The following CACNB4 variants were observed in gnomAD, a reference collection of about 807,000 sequenced individuals.
CACNB4 encodes voltage-dependent L-type calcium channel subunit beta-4.
In CACNB4, 32 loss-of-function variants were observed where a neutral mutation model predicts 71.2. The observed-to-expected ratio is 0.45, with a 90% confidence interval of 0.34 to 0.60. The LOEUF (loss-of-function observed/expected upper bound fraction) is 0.60. Ranked by LOEUF, CACNB4 falls within the 20% of genes least tolerant of loss-of-function variation. The pLI is 0.01. For synonymous variants in CACNB4, 231 were observed against 236.9 expected, an observed-to-expected ratio of 0.97 and a Z score of 0.23; for missense variants, 464 against 647.9, an observed-to-expected ratio of 0.72 and a Z score of 3.08.
intron 2 of CACNB4, among the ~76,000 whole-genome samples, chr2:152,037,424 A>G (rs1015538277): frequency 6.6e-6 from 1 of 152,230 alleles, no homozygotes; most frequent in African/African-American, 2.4e-5. Flanking sequence ...CTAAAGAAAT[A>G]TGTCTGTGGA....
chr2:151,898,222 T>C (rs1379979280), intron 2 of CACNB4, among the ~76,000 whole-genome samples: 2 of 152,212 alleles, frequency 1.3e-5, no homozygotes, highest in Non-Finnish European at 2.9e-5. Flanking sequence ...TGCTGTCCTT[T>C]GCATATGAGG....
intron 2 of CACNB4, among the ~76,000 whole-genome samples, chr2:152,001,130 A>C (rs776886518): frequency 6.6e-6 from 1 of 152,198 alleles, no homozygotes; most frequent in Admixed American, 6.5e-5. Flanking sequence ...ACCAAAGGTC[A>C]CGGTCAGTAA....
At chr2:152,065,756 G>A (rs567170113) in intron 2 of CACNB4, among the ~76,000 whole-genome samples, 2 of 152,144 alleles carry the variant, frequency 1.3e-5, no homozygotes, top group South Asian at 4.1e-4. Context: ...ATGTAAGGGG[G>A]TAATTTTTTT....
At chr2:152,073,228 C>T (rs1247015381) in intron 2 of CACNB4, among the ~76,000 whole-genome samples, 3 of 152,162 alleles carry the variant, frequency 2.0e-5, no homozygotes, top group Admixed American at 2.0e-4. Context: ...AGTCAGCTAT[C>T]AGCAAACTGA....
chr2:151,987,324 T>A (rs1252420296), intron 2 of CACNB4, among the ~76,000 whole-genome samples: 1 of 152,036 alleles, frequency 6.6e-6, no homozygotes, highest in African/African-American at 2.4e-5. Flanking sequence ...CGTAGCTCAG[T>A]GGGGGGCAGC....
At chr2:152,018,732 A>G (rs1267958298) in intron 2 of CACNB4, among the ~76,000 whole-genome samples, 1 of 151,836 alleles carries the variant, frequency 6.6e-6, no homozygotes, top group African/African-American at 2.4e-5. Context: ...TGAGCCCGGG[A>G]GAGCCAGGCT....
At chr2:152,007,386 C>T (rs1682789150) in intron 2 of CACNB4, among the ~76,000 whole-genome samples, 1 of 152,204 alleles carries the variant, frequency 6.6e-6, no homozygotes, top group Non-Finnish European at 1.5e-5. Flanking sequence ...TCTGTCCTCC[C>T]CCAAACCCTG....
At chr2:151,841,625 T>A (rs2099836257) in intron 13 of CACNB4, 2 of 355,626 alleles carry the variant, frequency 5.6e-6, no homozygotes, top group Non-Finnish European at 1.0e-5. Flanking sequence ...GAGTAGGCAT[T>A]ACGTTTGCCA....
rs189012932 is a variant in CACNB4 at position 152,002,656 on chromosome 2, T to G, written c.147+95674A>C. ...TCTATCAAATATATTTAACAATGTG[T>G]ACCTTATACCACACAGAGTTGCTGT... is the stretch of plus-strand genomic sequence containing the variant. On this transcript the variant is annotated intron_variant, in intron 2 of 13. Coordinates refer to ENST00000539935, the MANE Select transcript of CACNB4 (RefSeq NM_000726.5). 1.9e-3 allele frequency among the ~76,000 whole-genome samples: 288 copies of G among 152,370 alleles called. 1 individual carries two copies. Among genetic ancestry groups the G allele is most frequent in the Middle Eastern group, 3.4e-3 (1 of 292 alleles).
chr2:151,959,788 A>G (rs896280156), intron 2 of CACNB4, among the ~76,000 whole-genome samples: 3 of 152,190 alleles, frequency 2.0e-5, no homozygotes, highest in Non-Finnish European at 4.4e-5. Context: ...AAGCAGAACA[A>G]TATCATATTT....
At chr2:152,053,169 C>T (rs188844413) in intron 2 of CACNB4, among the ~76,000 whole-genome samples, 75 of 152,222 alleles carry the variant, frequency 4.9e-4, no homozygotes, top group Non-Finnish European at 1.0e-3. Context: ...TAGGTAGCTT[C>T]AAGAAGGGGG....
intron 12 of CACNB4, among the ~76,000 whole-genome samples, chr2:151,849,414 A>G (rs2099838456): frequency 6.6e-6 from 1 of 152,030 alleles, no homozygotes; most frequent in Admixed American, 6.6e-5. Flanking sequence ...GCTAATTTTT[A>G]AAAATTTCCT....
intron 2 of CACNB4, among the ~76,000 whole-genome samples, chr2:151,904,925 C>T (rs987715266): frequency 6.6e-6 from 1 of 152,208 alleles, no homozygotes; most frequent in African/African-American, 2.4e-5. Flanking sequence ...AGAGGAACTA[C>T]ACTTGAAAAC....
intron 2 of CACNB4, among the ~76,000 whole-genome samples, chr2:151,954,252 A>C (rs2151673390): frequency 6.6e-6 from 1 of 152,376 alleles, no homozygotes; most frequent in East Asian, 1.9e-4. Flanking sequence ...AGACCGTCCT[A>C]TTCCTTAGTT....
chr2:151,974,958 G>T (rs562095750), intron 2 of CACNB4, among the ~76,000 whole-genome samples: 1 of 152,194 alleles, frequency 6.6e-6, no homozygotes, highest in Non-Finnish European at 1.5e-5. Flanking sequence ...GACTGACTGG[G>T]TAAGTAATGA....
At chr2:151,913,969 A>C (rs562863423) in intron 2 of CACNB4, among the ~76,000 whole-genome samples, 5 of 152,028 alleles carry the variant, frequency 3.3e-5, no homozygotes, top group Non-Finnish European at 2.9e-5. Context: ...TGATCTTCTC[A>C]TGGAGTATCT....
intron 2 of CACNB4, among the ~76,000 whole-genome samples, chr2:152,017,157 G>A (rs1183173177): frequency 6.7e-6 from 1 of 149,622 alleles, no homozygotes; most frequent in Non-Finnish European, 1.5e-5. Flanking sequence ...AAGCTCTAGG[G>A]CATACATATA....
At chr2:152,054,091 G>A (rs796559130) in intron 2 of CACNB4, among the ~76,000 whole-genome samples, 41 of 152,196 alleles carry the variant, frequency 2.7e-4, no homozygotes, top group African/African-American at 9.4e-4. Context: ...GTGTTGGCCG[G>A]GCGCGGTGGC....
chr2:152,012,573 C>T (rs1387063841), intron 2 of CACNB4, among the ~76,000 whole-genome samples: 1 of 145,790 alleles, frequency 6.9e-6, no homozygotes, highest in Non-Finnish European at 1.5e-5. Flanking sequence ...CACTGTGCTG[C>T]AGCCTGGAAG....
Sources: gnomAD v4.1 joint callset for allele counts (sites outside exome capture counted in the v4.1 genomes callset) on GRCh38, gnomAD v4.1.1 for gene constraint, MANE v1.5 for transcripts, NCBI Gene and HGNC (gene_info 2026-07-23, HGNC 2026-07-21) for gene names.